Variants in NLGN1 observed in about 807,000 individuals in gnomAD.
The protein encoded by NLGN1 is neuroligin-1.
In NLGN1, 12 loss-of-function variants were observed where a neutral mutation model predicts 65.5. That is an observed-to-expected ratio of 0.18 (90% confidence interval 0.12 to 0.30). The LOEUF (loss-of-function observed/expected upper bound fraction) is 0.30. Among genes scored for constraint, NLGN1 ranks in the 10% least tolerant of loss-of-function variants. The pLI, the probability that NLGN1 is intolerant of heterozygous loss-of-function variation, is 1.00. For missense variants in NLGN1, 750 were observed against 1,007.1 expected, an observed-to-expected ratio of 0.74 and a Z score of 3.46; for synonymous variants, 350 against 359.5, an observed-to-expected ratio of 0.97 and a Z score of 0.30.
chr3:173,833,629 C>T (rs1723026091), intron 4 of NLGN1, among the ~76,000 whole-genome samples: 1 of 152,098 alleles, frequency 6.6e-6, no homozygotes, highest in African/African-American at 2.4e-5. Context: ...AAGTGACTCT[C>T]CCACCTCAGC....
chr3:173,631,706 A>G (rs2149543708), intron 3 of NLGN1, among the ~76,000 whole-genome samples: 2 of 152,294 alleles, frequency 1.3e-5, no homozygotes, highest in South Asian at 4.1e-4. Flanking sequence ...CTCTAGAATG[A>G]TATAGTTATT....
In NLGN1 at chr3:174,209,623, CTTTTTTTTT is replaced by C. The variant is rs796169913; in HGVS notation, c.647-65674_647-65666del. On this transcript the variant is annotated intron_variant, in intron 4 of 6. Coordinates refer to ENST00000457714, the Ensembl canonical transcript of NLGN1. ...CCCTGGTGTCTATCAACCTTTCTTT[CTTTTTTTTT>C]TTTTTTTTTTTTTTTTTGAGACAGA... Among the ~76,000 whole-genome samples, 105 of 82,086 alleles carry C rather than the reference CTTTTTTTTT, an allele frequency of 1.3e-3. 1 individual carries two copies. The highest frequency in any genetic ancestry group is 4.7e-3 in the African/African-American group (96 of 20,608). 53.9% of individuals were successfully genotyped at this position (82,086 alleles called of 152,430 possible).
chr3:174,271,824 C>T (rs76512125), intron 4 of NLGN1, among the ~76,000 whole-genome samples: 4,392 of 151,630 alleles, frequency 0.029, 168 homozygotes, highest in African/African-American at 0.084. Context: ...GTAATAGACA[C>T]GTGAATCAGT....
At chr3:174,281,069 C>T in exon 7 of NLGN1, 1 of 1,613,308 alleles carries the variant, frequency 6.2e-7, no homozygotes, top group East Asian at 2.2e-5. Flanking sequence ...AATGTGAGTC[C>T]ATTCATCCAC....
intron 3 of NLGN1, among the ~76,000 whole-genome samples, chr3:173,616,022 G>T (rs1448185082): frequency 1.3e-5 from 2 of 152,088 alleles, no homozygotes; most frequent in African/African-American, 4.8e-5. Flanking sequence ...GATACAGAAA[G>T]AGAAAATAAC....
chr3:173,574,041 C>T (rs1291839441), intron 2 of NLGN1, among the ~76,000 whole-genome samples: 2 of 105,566 alleles, frequency 1.9e-5, no homozygotes, highest in African/African-American at 7.6e-5. Context: ...CCAGCCTGAG[C>T]AATAGAGCGA....
chr3:174,103,413 C>T (rs1040284625), intron 4 of NLGN1, among the ~76,000 whole-genome samples: 6 of 152,012 alleles, frequency 3.9e-5, no homozygotes, highest in East Asian at 1.9e-4. Flanking sequence ...TTTTTCCTCA[C>T]GTTAAAAATA....
At chr3:173,442,939 T>G (rs1242012359) in intron 2 of NLGN1, among the ~76,000 whole-genome samples, 4 of 152,282 alleles carry the variant, frequency 2.6e-5, no homozygotes, top group African/African-American at 9.6e-5. Flanking sequence ...TAAGTAAATA[T>G]AATATAATAC....
At chr3:174,176,841 A>G (rs954822137) in intron 4 of NLGN1, among the ~76,000 whole-genome samples, 1 of 152,048 alleles carries the variant, frequency 6.6e-6, no homozygotes, top group Non-Finnish European at 1.5e-5. Context: ...TTCATTACAT[A>G]TGGGTAATGG....
chr3:174,031,208 GA>G (rs1168119797), intron 4 of NLGN1, among the ~76,000 whole-genome samples: 1 of 152,092 alleles, frequency 6.6e-6, no homozygotes, highest in Non-Finnish European at 1.5e-5. Context: ...CTCTCCAGGG[GA>G]AAAGACTGCC....
At position 173,701,139 on chromosome 3, in the gene NLGN1, T is replaced by C. The variant is rs577227816; in HGVS notation, c.493+96048T>C. ...GCGAGACTCCGTCTTGAAAAAAAAGTGCCGGAAAATGCTGTTGAAGTTGGT... is the reference window on the plus strand; with the variant it reads ...GCGAGACTCCGTCTTGAAAAAAAAGCGCCGGAAAATGCTGTTGAAGTTGGT... On this transcript the variant is annotated intron_variant, in intron 3 of 6. Transcript: ENST00000457714. Among the ~76,000 whole-genome samples the C allele has an allele frequency of 2.6e-5, 4 of 151,790 alleles. No homozygotes were observed. The East Asian group carries it at 5.8e-4, about 22-fold the overall frequency.
chr3:173,441,324 C>T (rs1719162912), intron 2 of NLGN1, among the ~76,000 whole-genome samples: 1 of 152,136 alleles, frequency 6.6e-6, no homozygotes, highest in Non-Finnish European at 1.5e-5. Flanking sequence ...CGATCTTTTC[C>T]TTTGCATTTA....
chr3:173,415,003 C>A (rs541056855), intron 1 of NLGN1, among the ~76,000 whole-genome samples: 1 of 152,330 alleles, frequency 6.6e-6, no homozygotes, highest in South Asian at 2.1e-4. Context: ...CAGATGGAGA[C>A]AAGAGGGCTA....
intron 2 of NLGN1, among the ~76,000 whole-genome samples, chr3:173,517,225 TG>T (rs143161173): frequency 1.4e-3 from 209 of 152,198 alleles, no homozygotes; most frequent in Non-Finnish European, 2.5e-3. Context: ...GAGTTTCTCA[TG>T]GCCCTTAAAT....
At chr3:174,222,589 A>G (rs559591758) in intron 4 of NLGN1, among the ~76,000 whole-genome samples, 2 of 152,286 alleles carry the variant, frequency 1.3e-5, no homozygotes, top group South Asian at 2.1e-4. Flanking sequence ...AAAGATTCCT[A>G]GGTTAGGTTT....
At chr3:174,136,889 G>C (rs561168480) in intron 4 of NLGN1, among the ~76,000 whole-genome samples, 1 of 152,058 alleles carries the variant, frequency 6.6e-6, no homozygotes, top group African/African-American at 2.4e-5. Context: ...TGATGGGGTT[G>C]CATTTCAATA....
intron 2 of NLGN1, among the ~76,000 whole-genome samples, chr3:173,556,522 C>T (rs1741725151): frequency 6.6e-6 from 1 of 151,932 alleles, no homozygotes; most frequent in African/African-American, 2.4e-5. Flanking sequence ...TATTTAAAGA[C>T]TTTTATTTTT....
At chr3:174,059,699 A>G (rs1451749398) in intron 4 of NLGN1, among the ~76,000 whole-genome samples, 2 of 152,184 alleles carry the variant, frequency 1.3e-5, no homozygotes, top group Non-Finnish European at 2.9e-5. Flanking sequence ...ATTATGTGGC[A>G]AGCTCTGTGC....
At chr3:174,022,760 G>A (rs756710238) in intron 4 of NLGN1, among the ~76,000 whole-genome samples, 35 of 151,910 alleles carry the variant, frequency 2.3e-4, no homozygotes, top group Non-Finnish European at 4.9e-4. Flanking sequence ...TTTTGTCCTT[G>A]GTAGAAAGTT....
Sources: gnomAD v4.1 joint callset for allele counts (sites outside exome capture counted in the v4.1 genomes callset) on GRCh38, gnomAD v4.1.1 for gene constraint, MANE v1.5 for transcripts, NCBI Gene and HGNC (gene_info 2026-07-23, HGNC 2026-07-21) for gene names.